The following TOX2 variants were observed in gnomAD, a reference collection of about 807,000 sequenced individuals.
The protein encoded by TOX2 is granulosa cell HMG box 1.
A neutral mutation model predicts 47.4 loss-of-function variants in TOX2; 15 were observed. The ratio of observed to expected loss-of-function variants is 0.32; its 90% confidence interval spans 0.21 to 0.49. The LOEUF (loss-of-function observed/expected upper bound fraction) is 0.49. Ranked by LOEUF, TOX2 falls within the 20% of genes least tolerant of loss-of-function variation. TOX2 has a pLI of 0.99. For synonymous variants in TOX2, 290 were observed against 296.6 expected, an observed-to-expected ratio of 0.98 and a Z score of 0.23; for missense variants, 622 against 673.1, an observed-to-expected ratio of 0.92 and a Z score of 0.84.
At chr20:44,066,128 C>A in intron 7 of TOX2, 21 bp downstream of exon 7, 1 of 1,514,642 alleles carries the variant, frequency 6.6e-7, no homozygotes. Context: ...AAGAGCAGAA[C>A]AGCCCTTCTG....
chr20:44,044,786 G>A (rs775890773), intron 3 of TOX2, among the ~76,000 whole-genome samples: 5 of 152,230 alleles, frequency 3.3e-5, no homozygotes, highest in East Asian at 1.9e-4. Context: ...GTGTCTACTC[G>A]AGAGAATTGA....
At chr20:43,925,492 C>T (rs545664852) in intron 1 of TOX2, among the ~76,000 whole-genome samples, 2 of 152,266 alleles carry the variant, frequency 1.3e-5, no homozygotes, top group African/African-American at 2.4e-5. Context: ...TGTGCTCACC[C>T]GCAGGAGGGA....
rs2069049431 is a variant in TOX2 at position 43,915,836 on chromosome 20, C to T, written c.99+846C>T. Among the ~76,000 whole-genome samples the T allele has an allele frequency of 6.6e-6, 1 of 152,250 alleles. No homozygotes were observed. Among genetic ancestry groups the T allele is most frequent in the African/African-American group, 2.4e-5 (1 of 41,466 alleles). On this transcript the variant is annotated intron_variant, in intron 1 of 8. Transcript: ENST00000341197. The surrounding 1 kb of genome is among the most constrained non-coding windows in gnomAD (Gnocchi z 7.1). Reference sequence around the variant, plus strand: ...GGGGCTGTAGTGCCGGACACCCTCCCTCCTCCATGTTTCCAGGATCTATCC... The same window carrying T: ...GGGGCTGTAGTGCCGGACACCCTCCTTCCTCCATGTTTCCAGGATCTATCC...
chr20:44,016,970 A>G (rs772638307), intron 3 of TOX2, among the ~76,000 whole-genome samples: 8 of 152,250 alleles, frequency 5.3e-5, no homozygotes, highest in Non-Finnish European at 8.8e-5. Context: ...AGAAATGTAA[A>G]TTAAGGTGGG....
At chr20:44,068,512 G>T (rs2071875415) in intron 8 of TOX2, 138 bp from the exon 9 acceptor site, 4 of 901,372 alleles carry the variant, frequency 4.4e-6, no homozygotes, top group Non-Finnish European at 6.5e-6. Context: ...GGGACTTGCA[G>T]ATGCAAGTCC....
chr20:44,018,513 A>G (rs1465064301), intron 3 of TOX2, among the ~76,000 whole-genome samples: 1 of 152,156 alleles, frequency 6.6e-6, no homozygotes, highest in Non-Finnish European at 1.5e-5. Context: ...CTTTTAATGT[A>G]CCGTCGGCAT....
intron 1 of TOX2, among the ~76,000 whole-genome samples, chr20:43,921,463 G>A (rs1045045653): frequency 2.6e-5 from 4 of 152,156 alleles, no homozygotes; most frequent in African/African-American, 9.7e-5. Context: ...TCTGTAAAAT[G>A]GGGACATTGA....
At chr20:44,011,455 GC>G (rs35503324) in intron 3 of TOX2, among the ~76,000 whole-genome samples, 5,862 of 152,280 alleles carry the variant, frequency 0.038, 335 homozygotes, top group African/African-American at 0.12. Context: ...CCCGGAAGAG[GC>G]CCCTTAGATG....
chr20:44,055,583 TAGTC>T (rs1379779417), intron 5 of TOX2, among the ~76,000 whole-genome samples: 1 of 152,076 alleles, frequency 6.6e-6, no homozygotes, highest in Admixed American at 6.5e-5. Context: ...ACCTTGGAAG[TAGTC>T]AGGCCCTGTT....
chr20:43,974,718 C>T (rs2070043801), intron 2 of TOX2, among the ~76,000 whole-genome samples: 1 of 152,222 alleles, frequency 6.6e-6, no homozygotes, highest in Non-Finnish European at 1.5e-5. Context: ...CCCATGGAGG[C>T]CATAGATGAG....
intron 3 of TOX2, among the ~76,000 whole-genome samples, chr20:44,021,827 G>T (rs1213320067): frequency 6.6e-6 from 1 of 151,432 alleles, no homozygotes; most frequent in Non-Finnish European, 1.5e-5. Flanking sequence ...TAAGAGATGG[G>T]GTTTCCCTGT....
intron 1 of TOX2, among the ~76,000 whole-genome samples, chr20:43,969,221 G>A (rs1057062030): frequency 5.3e-5 from 8 of 152,186 alleles, no homozygotes; most frequent in African/African-American, 1.7e-4. Flanking sequence ...TGAGCTGAAC[G>A]CTGCCGTGTT....
At chr20:44,007,663 T>G (rs944801819) in intron 3 of TOX2, 3 of 152,370 alleles carry the variant, frequency 2.0e-5, no homozygotes, top group Non-Finnish European at 4.4e-5. Context: ...CTTGGCAACA[T>G]AGCAAGACCC....
At chr20:43,947,650 G>A (rs1338412369) in intron 1 of TOX2, among the ~76,000 whole-genome samples, 1 of 152,176 alleles carries the variant, frequency 6.6e-6, no homozygotes, top group African/African-American at 2.4e-5. Flanking sequence ...ACTTCCATGG[G>A]TTCTTGACTG....
chr20:44,038,571 T>C (rs6031312), intron 3 of TOX2, among the ~76,000 whole-genome samples: 8 of 151,492 alleles, frequency 5.3e-5, no homozygotes, highest in African/African-American at 1.9e-4. Context: ...AAGAAAAAAA[T>C]TTAATTGTGG....
chr20:43,985,486 G>T (rs565120584), intron 2 of TOX2, among the ~76,000 whole-genome samples: 1 of 152,324 alleles, frequency 6.6e-6, no homozygotes, highest in East Asian at 1.9e-4. Flanking sequence ...GGCTGGGGAA[G>T]CTTGGACAAG....
At chr20:44,068,521 C>A in intron 8 of TOX2, 129 bp from the exon 9 acceptor site, 20 of 989,144 alleles carry the variant, frequency 2.0e-5, no homozygotes, top group Admixed American at 2.6e-5. Context: ...AGATGCAAGT[C>A]CCTCATTCAG....
At chr20:44,046,903 C>T (rs2071417514) in intron 3 of TOX2, among the ~76,000 whole-genome samples, 1 of 152,096 alleles carries the variant, frequency 6.6e-6, no homozygotes, top group African/African-American at 2.4e-5. Context: ...TACCCCTGAA[C>T]CTAAAAGTTT....
chr20:44,006,524 G>T, intron 2 of TOX2, 23 bp from the exon 3 acceptor site: 1 of 1,595,152 alleles, frequency 6.3e-7, no homozygotes, highest in African/African-American at 1.3e-5. Context: ...GACCCCCACC[G>T]ACATGTCTTT....
Sources: allele counts gnomAD v4.1 joint callset (sites outside exome capture counted in the v4.1 genomes callset), GRCh38; gene constraint gnomAD v4.1.1; non-coding constraint Gnocchi (gnomAD v3.1); transcripts MANE v1.5; gene names NCBI Gene and HGNC (gene_info 2026-07-23, HGNC 2026-07-21).